The following NCOR1 variants were observed in gnomAD, a reference collection of about 807,000 sequenced individuals.
NCOR1 encodes nuclear receptor corepressor 1.
A neutral mutation model predicts 288.1 loss-of-function variants in NCOR1; 63 were observed. The observed-to-expected ratio is 0.22, with a 90% CI of 0.18 to 0.27. The LOEUF (loss-of-function observed/expected upper bound fraction) is 0.27. Among genes scored for constraint, NCOR1 ranks in the 10% least tolerant of loss-of-function variants. NCOR1 has a pLI of 1.00. For missense variants in NCOR1, 2,397 were observed against 3,019.2 expected (o/e 0.79, Z 4.83); for synonymous variants, 1,007 against 1,065.9 (o/e 0.94, Z 1.08).
chr17:16,056,749 A>G (rs1233369759), intron 40 of NCOR1, among the ~76,000 whole-genome samples: 2 of 152,220 alleles, frequency 1.3e-5, no homozygotes, highest in Admixed American at 1.3e-4. Flanking sequence ...ATATCAGGTA[A>G]GAAGATATGC....
chr17:16,182,453 CTTAT>C (rs2085681819), intron 3 of NCOR1, among the ~76,000 whole-genome samples: 1 of 152,016 alleles, frequency 6.6e-6, no homozygotes, highest in Non-Finnish European at 1.5e-5. Context: ...TTTTATTTTA[CTTAT>C]TTATTTTTTT....
At position 16,123,634 on chromosome 17, in the gene NCOR1, GCA is replaced by G; in HGVS notation, c.1635-2367_1635-2366del. Among the ~76,000 whole-genome samples the G allele has an allele frequency of 2.6e-5, 4 of 152,204 alleles. No homozygotes were observed. The South Asian group carries it at 8.3e-4, about 32-fold the overall frequency. On this transcript the variant is annotated intron_variant, in intron 15 of 45. Transcript: ENST00000268712. ...TCCACCTTCCACTTCTCTTCTTGAT[GCA>G]CACTATGTTAAGTCTAATGAAATCA...
In NCOR1 at chr17:16,031,712, C is replaced by A; in HGVS notation, c.*584G>T. The stretch of plus-strand genomic sequence containing the variant: ...TTATGACAGGGTCTGTGTTAAAAAT[C>A]TAAACATTTTCACAAGATTTTAAAC... On this transcript the variant is annotated 3_prime_UTR_variant, in exon 46 of 46. Coordinates refer to ENST00000268712, the MANE Select transcript of NCOR1 (RefSeq NM_006311.4). 4.4e-6 allele frequency: 1 copy of A among 228,336 alleles called. No homozygotes were observed. The highest frequency in any genetic ancestry group is 8.7e-6 in the Non-Finnish European group (1 of 115,132). The allele number at this position is 228,336 out of a possible 1,614,324, so 14.1% of individuals were successfully genotyped here. A position where few individuals can be genotyped will look rare whatever the true frequency, so the allele number is the denominator to read the frequency against.
intron 40 of NCOR1, among the ~76,000 whole-genome samples, chr17:16,055,235 T>C (rs1399243523): frequency 6.6e-6 from 1 of 152,234 alleles, no homozygotes; most frequent in Non-Finnish European, 1.5e-5. Context: ...GTATGTTCAC[T>C]GTAGCACTAT....
chr17:16,053,389 C>T (rs896128624), intron 40 of NCOR1, among the ~76,000 whole-genome samples: 6 of 152,140 alleles, frequency 3.9e-5, no homozygotes, highest in African/African-American at 1.4e-4. Flanking sequence ...CGTTCCTATA[C>T]ACCAATGAGA....
chr17:16,195,548 G>A (rs2089598341), intron 1 of NCOR1, among the ~76,000 whole-genome samples: 1 of 151,870 alleles, frequency 6.6e-6, no homozygotes, highest in South Asian at 2.1e-4. Flanking sequence ...CACAATTCTA[G>A]ACTAATTTGA....
rs368974418 is a variant in NCOR1 at position 16,194,506 on chromosome 17, G to A, written c.64C>T (p.Pro22Ser). The change falls in exon 2 of 46, where the codon CCT becomes TCT. Residue 22 changes from proline (P) to serine (S), a missense_variant. Transcript: ENST00000268712. ...AFSTEQSRYPPHSVQYTFPNT... is the reference protein window; with the variant it reads ...AFSTEQSRYPSHSVQYTFPNT... ...GGAAATGTATACTGGACAGAGTGAG[G>A]AGGATAACGACTTTGTTCTGTGCTG... is the stretch of plus-strand genomic sequence containing the variant. 7 of 1,611,388 alleles carry A rather than the reference G, an allele frequency of 4.3e-6. No homozygotes were observed. The highest frequency in any genetic ancestry group is 1.3e-5 in the African/African-American group (1 of 74,902).
chr17:16,176,935 A>G (rs150978447), intron 3 of NCOR1, among the ~76,000 whole-genome samples: 4 of 152,104 alleles, frequency 2.6e-5, no homozygotes, highest in Non-Finnish European at 5.9e-5. Flanking sequence ...CCTTAACTTT[A>G]TGGGGAATTT....
intron 8 of NCOR1, among the ~76,000 whole-genome samples, chr17:16,151,210 T>TAA (rs201299273): frequency 1.5e-4 from 23 of 150,668 alleles, no homozygotes; most frequent in Admixed American, 3.3e-4. Flanking sequence ...ATTTTTTTTT[T>TAA]AAAAAAAAGA....
chr17:16,037,111 G>A (rs556790057), intron 44 of NCOR1, among the ~76,000 whole-genome samples: 16 of 152,302 alleles, frequency 1.1e-4, no homozygotes, highest in Non-Finnish European at 2.4e-4. Context: ...GTGTGTCAGG[G>A]AATAAGGGAG....
intron 22 of NCOR1, among the ~76,000 whole-genome samples, chr17:16,087,787 C>A (rs1306212669): frequency 6.6e-6 from 1 of 152,054 alleles, no homozygotes. Context: ...ATGGAAGAAG[C>A]CTTTCAAAAG....
chr17:16,109,465 A>T (rs2069521132), intron 18 of NCOR1, among the ~76,000 whole-genome samples: 1 of 152,032 alleles, frequency 6.6e-6, no homozygotes, highest in African/African-American at 2.4e-5. Context: ...TTTTTAACAT[A>T]ATGTAGCCAT....
intron 4 of NCOR1, among the ~76,000 whole-genome samples, chr17:16,167,462 AAAT>A (rs1184218555): frequency 1.3e-5 from 2 of 152,146 alleles, no homozygotes; most frequent in Non-Finnish European, 2.9e-5. Context: ...AGTTAAAAAA[AAAT>A]AATAATAAAG....
At position 16,071,552 on chromosome 17, in the gene NCOR1, G is replaced by T. The variant is rs1478733331; in HGVS notation, c.4009C>A (p.Pro1337Thr). The T allele has an allele frequency of 5.0e-6, 8 of 1,614,082 alleles. No individual in the cohort carries two copies. Among genetic ancestry groups the T allele is most frequent in the Non-Finnish European group, 6.8e-6 (8 of 1,180,018 alleles). ...TTGATGGTGGTGATGCCATCATATG[G>T]TTTTCCTTTGGTAATGGCACCTTCA... ...AFEGAITKGKPYDGITTIKEM... is the reference protein window; with the variant it reads ...AFEGAITKGKTYDGITTIKEM... The change falls in exon 30 of 46, where the codon CCA becomes ACA. Residue 1337 changes from proline to threonine, a missense_variant. By Grantham distance (38) the Pro-to-Thr change is conservative (BLOSUM62 -1). This residue lies in a region of NCOR1 where 1,872 missense variants were observed against 2,187.8 expected (regional missense o/e 0.86). Coordinates refer to ENST00000268712, the MANE Select transcript of NCOR1 (RefSeq NM_006311.4).
chr17:16,134,192 C>A (rs2153229829), intron 14 of NCOR1, among the ~76,000 whole-genome samples: 1 of 152,232 alleles, frequency 6.6e-6, no homozygotes, highest in South Asian at 2.1e-4. Flanking sequence ...TGAAAAGCTG[C>A]CCCTCTATTT....
intron 44 of NCOR1, 87 bp downstream of exon 44, chr17:16,039,346 A>T (rs1356784793): frequency 4.8e-6 from 6 of 1,256,000 alleles, no homozygotes; most frequent in Admixed American, 2.0e-5. Flanking sequence ...ACATAAATGA[A>T]ATGTCTTAGT....
At chr17:16,164,912 A>G in intron 5 of NCOR1, 67 bp downstream of exon 5, 1 of 1,174,240 alleles carries the variant, frequency 8.5e-7, no homozygotes, top group Non-Finnish European at 1.2e-6. Flanking sequence ...AATATGGAAA[A>G]CTCAAAAATA....
chr17:16,175,261 G>A (rs1225895031), intron 3 of NCOR1, among the ~76,000 whole-genome samples: 1 of 151,892 alleles, frequency 6.6e-6, no homozygotes, highest in Non-Finnish European at 1.5e-5. Context: ...CCAGCTACTC[G>A]GGAAACTGAG....
chr17:16,163,327 C>A (rs1485387559), intron 5 of NCOR1, among the ~76,000 whole-genome samples: 4 of 152,024 alleles, frequency 2.6e-5, no homozygotes, highest in African/African-American at 9.7e-5. Context: ...AACAAAAAGA[C>A]AACCGAATTA....
Sources: allele counts gnomAD v4.1 joint callset (sites outside exome capture counted in the v4.1 genomes callset), GRCh38; gene constraint gnomAD v4.1.1; regional missense constraint gnomAD v4.1.1; transcripts MANE v1.5; gene names NCBI Gene and HGNC (gene_info 2026-07-23, HGNC 2026-07-21).